PDE11A: variants seen among roughly 807,000 people sequenced by gnomAD.
PDE11A encodes the protein dual 3',5'-cyclic-AMP and -GMP phosphodiesterase 11A.
In PDE11A, 100 loss-of-function variants were observed where a neutral mutation model predicts 100.5. The observed-to-expected ratio is 1.00, with a 90% CI of 0.85 to 1.18. PDE11A has a LOEUF of 1.18. Ranked by LOEUF, PDE11A falls within the 50% of genes most tolerant of loss-of-function variation. The pLI is 0.00. For missense variants in PDE11A, 1,141 were observed against 1,152.6 expected, an observed-to-expected ratio of 0.99 and a Z score of 0.15; for synonymous variants, 381 against 420.8, an observed-to-expected ratio of 0.91 and a Z score of 1.16.
chr2:178,040,829 T>C (rs940413720), intron 1 of PDE11A, among the ~76,000 whole-genome samples: 1 of 152,248 alleles, frequency 6.6e-6, no homozygotes, highest in African/African-American at 2.4e-5. Flanking sequence ...CATTGTTTTG[T>C]CCAGGTAATT....
chr2:177,650,015 A>G (rs16865514), intron 19 of PDE11A, among the ~76,000 whole-genome samples: 14,892 of 152,202 alleles, frequency 0.098, 906 homozygotes, highest in East Asian at 0.19. Context: ...AAGATCAAAA[A>G]AATTTAGTGC....
chr2:177,746,763 C>G (rs1248105060), intron 10 of PDE11A, among the ~76,000 whole-genome samples: 1 of 152,150 alleles, frequency 6.6e-6, no homozygotes, highest in African/African-American at 2.4e-5. Context: ...AGCTTCTAAC[C>G]ATACAAGTAA....
At chr2:178,058,701 A>G (rs780240446) in intron 1 of PDE11A, among the ~76,000 whole-genome samples, 2 of 152,198 alleles carry the variant, frequency 1.3e-5, no homozygotes, top group African/African-American at 2.4e-5. Context: ...GTACCATGCC[A>G]AACACAGGGA....
rs769108297 is a variant in PDE11A, at chr2:177,623,656, C to T, written c.*5751G>A. ...AGAAAAATTGAGATTCGAATACACA[C>T]GCATATACACACAGAAAATGAACAC... On this transcript the variant is annotated 3_prime_UTR_variant, in exon 20 of 20. Transcript: ENST00000286063. 5 of 152,108 alleles carry T rather than the reference C, an allele frequency of 3.3e-5. No homozygotes were observed. The highest frequency in any genetic ancestry group is 6.5e-5 in the Admixed American group (1 of 15,278). 9.4% of individuals were successfully genotyped at this position (152,108 alleles called of 1,614,324 possible).
intron 13 of PDE11A, among the ~76,000 whole-genome samples, chr2:177,706,699 G>A (rs1021519381): frequency 6.6e-5 from 10 of 152,138 alleles, no homozygotes; most frequent in African/African-American, 1.9e-4. Flanking sequence ...CCCATGAGCT[G>A]ATAAACTGCG....
chr2:177,789,525 G>A lies in PDE11A; in HGVS notation c.1738-20152C>T, dbSNP rs561355676. Among the ~76,000 whole-genome samples the A allele has an allele frequency of 6.1e-3, 928 of 151,658 alleles. 6 individuals are homozygous for A. Among genetic ancestry groups the A allele is most frequent in the Non-Finnish European group, 9.3e-3 (630 of 67,800 alleles). On this transcript the variant is annotated intron_variant, in intron 9 of 19. Coordinates refer to ENST00000286063, the MANE Select transcript of PDE11A (RefSeq NM_016953.4). ...ACCACTCCTATTCAACATAGTGTTG[G>A]AAGTTCTGGCCAGGACAATTAGGCA... is the stretch of plus-strand genomic sequence containing the variant.
intron 19 of PDE11A, among the ~76,000 whole-genome samples, chr2:177,660,619 A>G (rs1417261410): frequency 6.6e-6 from 1 of 152,218 alleles, no homozygotes; most frequent in Non-Finnish European, 1.5e-5. Flanking sequence ...ACTTGAAGCT[A>G]TCAGAGATAA....
At chr2:177,639,725 T>C (rs1221860034) in intron 19 of PDE11A, among the ~76,000 whole-genome samples, 1 of 152,244 alleles carries the variant, frequency 6.6e-6, no homozygotes, top group Admixed American at 6.5e-5. Flanking sequence ...TGTTATCATC[T>C]GGCTCAGTTT....
intron 2 of PDE11A, among the ~76,000 whole-genome samples, chr2:177,991,170 C>T (rs1380268819): frequency 6.7e-6 from 1 of 148,352 alleles, no homozygotes; most frequent in Non-Finnish European, 1.5e-5. Context: ...ACTAAAAATA[C>T]AAAAATTAGC....
chr2:178,021,832 A>G (rs2086416943), intron 1 of PDE11A, among the ~76,000 whole-genome samples: 1 of 152,188 alleles, frequency 6.6e-6, no homozygotes, highest in Admixed American at 6.5e-5. Flanking sequence ...GTGTCCCAGA[A>G]AGAGGGAATA....
rs539218127 is a variant in PDE11A, at chr2:177,649,429, T to G, written c.2646+14437A>C. Among the ~76,000 whole-genome samples the G allele has an allele frequency of 1.5e-4, 23 of 152,248 alleles. No individual in the cohort carries two copies. In the South Asian group the frequency reaches 4.4e-3, roughly 29 times the overall value. ...TTTTCATCTTTAAAATCTAATACTATGCAGCCATCAAAAAGAATGAGACAT... is the reference window on the plus strand; with the variant it reads ...TTTTCATCTTTAAAATCTAATACTAGGCAGCCATCAAAAAGAATGAGACAT... On this transcript the variant is annotated intron_variant, in intron 19 of 19. Transcript: ENST00000286063.
chr2:177,867,465 G>C (rs1487997871), intron 5 of PDE11A, among the ~76,000 whole-genome samples: 1 of 152,108 alleles, frequency 6.6e-6, no homozygotes, highest in Non-Finnish European at 1.5e-5. Flanking sequence ...TGAGGTGGCT[G>C]ACGCCTGTAA....
chr2:177,896,630 C>A (rs867553749), intron 4 of PDE11A, among the ~76,000 whole-genome samples: 2 of 152,194 alleles, frequency 1.3e-5, no homozygotes, highest in Non-Finnish European at 2.9e-5. Flanking sequence ...GCACCCCTAC[C>A]ACTTCCCGTT....
intron 2 of PDE11A, chr2:178,092,491 A>G (rs1276187642): frequency 6.6e-6 from 1 of 152,212 alleles, no homozygotes; most frequent in Non-Finnish European, 1.5e-5. Context: ...GGCTTATAAC[A>G]TATTTCCGAA....
At chr2:178,056,418 C>T (rs1292059955) in intron 1 of PDE11A, among the ~76,000 whole-genome samples, 1 of 152,100 alleles carries the variant, frequency 6.6e-6, no homozygotes, top group Non-Finnish European at 1.5e-5. Context: ...AGAGATATAT[C>T]AAAGAAAGAA....
intron 9 of PDE11A, among the ~76,000 whole-genome samples, chr2:177,778,617 C>T (rs1364875256): frequency 6.6e-6 from 1 of 152,192 alleles, no homozygotes; most frequent in Non-Finnish European, 1.5e-5. Flanking sequence ...AAGCTTTGCT[C>T]TCAGCAGTAG....
chr2:178,050,584 C>A (rs1559054790), intron 1 of PDE11A, among the ~76,000 whole-genome samples: 1 of 151,938 alleles, frequency 6.6e-6, no homozygotes, highest in Non-Finnish European at 1.5e-5. Flanking sequence ...TGTTCGAACC[C>A]CTGCAAAGAA....
chr2:177,783,293 G>C (rs1466270241), intron 9 of PDE11A, among the ~76,000 whole-genome samples: 1 of 152,044 alleles, frequency 6.6e-6, no homozygotes, highest in African/African-American at 2.4e-5. Context: ...GGAATGCTGG[G>C]GCCTATGGTT....
intron 19 of PDE11A, among the ~76,000 whole-genome samples, chr2:177,649,215 C>G (rs927082971): frequency 1.3e-5 from 2 of 152,090 alleles, no homozygotes; most frequent in African/African-American, 4.8e-5. Context: ...TTGGTGATAT[C>G]TATCACGATC....
Sources: gnomAD v4.1 joint callset for allele counts (sites outside exome capture counted in the v4.1 genomes callset) on GRCh38, gnomAD v4.1.1 for gene constraint, MANE v1.5 for transcripts, NCBI Gene and HGNC (gene_info 2026-07-23, HGNC 2026-07-21) for gene names.